The following RYR2 variants were observed in gnomAD, a reference collection of about 807,000 sequenced individuals.
RYR2 encodes the protein ryanodine receptor 2.
Under a neutral mutation model 601.1 loss-of-function variants are expected in RYR2, and 227 were observed. The observed-to-expected ratio is 0.38, with a 90% CI of 0.34 to 0.42. RYR2 has a LOEUF of 0.42. Among genes scored for constraint, RYR2 ranks in the 10% least tolerant of loss-of-function variants. RYR2 has a pLI of 1.00. For synonymous variants in RYR2, 2,223 were observed against 2,175.1 expected (o/e 1.02, Z -0.61); for missense variants, 4,646 against 6,156.5 (o/e 0.75, Z 8.21).
intron 3 of RYR2, among the ~76,000 whole-genome samples, chr1:237,344,211 G>A (rs73128913): frequency 4.6e-5 from 7 of 152,132 alleles, no homozygotes; most frequent in Non-Finnish European, 1.0e-4. Flanking sequence ...GCTAATGATC[G>A]GATTATTCTC....
chr1:237,713,454 TG>T (rs1160716274), intron 71 of RYR2, among the ~76,000 whole-genome samples: 1 of 152,204 alleles, frequency 6.6e-6, no homozygotes, highest in Non-Finnish European at 1.5e-5. Context: ...TGGAGTGCAG[TG>T]GTGCGATCTC....
intron 28 of RYR2, among the ~76,000 whole-genome samples, chr1:237,568,568 T>A (rs1672336182): frequency 6.6e-6 from 1 of 152,234 alleles, no homozygotes; most frequent in African/African-American, 2.4e-5. Context: ...CCTAAGGATA[T>A]TTTTAGGTTT....
intron 1 of RYR2, among the ~76,000 whole-genome samples, chr1:237,191,368 A>G (rs185656039): frequency 1.3e-5 from 2 of 149,452 alleles, no homozygotes; most frequent in South Asian, 2.1e-4. Context: ...CTCTTTTTCA[A>G]TATTTTTTGG....
At chr1:237,771,917 A>AT in intron 85 of RYR2, 95 bp from the exon 86 acceptor site, 1 of 699,878 alleles carries the variant, frequency 1.4e-6, no homozygotes. Context: ...ACCCACAATG[A>AT]TTTTGCCATA....
chr1:237,447,839 C>T (rs961755929), intron 14 of RYR2, among the ~76,000 whole-genome samples: 1 of 147,120 alleles, frequency 6.8e-6, no homozygotes, highest in African/African-American at 2.5e-5. Context: ...CTCCCTCCCT[C>T]TTTCCCCTCC....
intron 79 of RYR2, among the ~76,000 whole-genome samples, chr1:237,734,253 G>A (rs1295145311): frequency 2.0e-5 from 3 of 152,146 alleles, no homozygotes; most frequent in East Asian, 1.9e-4. Context: ...TAATCATGGC[G>A]GAAGGCAAAG....
intron 17 of RYR2, among the ~76,000 whole-genome samples, chr1:237,483,490 CA>C (rs144505445): frequency 0.021 from 3,267 of 152,264 alleles, 59 homozygotes; most frequent in Non-Finnish European, 0.034. Flanking sequence ...TGCAAGGACA[CA>C]AAACTAGGCA....
At chr1:237,168,016 C>T (rs1210406651) in intron 1 of RYR2, among the ~76,000 whole-genome samples, 2 of 152,154 alleles carry the variant, frequency 1.3e-5, no homozygotes, top group Non-Finnish European at 2.9e-5. Context: ...AACAACAATT[C>T]CTTCTTTTCC....
intron 35 of RYR2, among the ~76,000 whole-genome samples, chr1:237,607,227 C>T (rs1268508594): frequency 3.9e-5 from 6 of 152,178 alleles, no homozygotes; most frequent in South Asian, 2.1e-4. Flanking sequence ...ATATACACCA[C>T]GGAATACTAT....
At chr1:237,654,198 T>G (rs988686662) in intron 51 of RYR2, 76 bp from the exon 52 acceptor site, 1 of 1,536,156 alleles carries the variant, frequency 6.5e-7, no homozygotes, top group African/African-American at 1.4e-5. Context: ...CATTAGAGTG[T>G]GATATGAGGA....
intron 76 of RYR2, among the ~76,000 whole-genome samples, chr1:237,727,694 T>A (rs1026743486): frequency 6.6e-6 from 1 of 152,160 alleles, no homozygotes; most frequent in Non-Finnish European, 1.5e-5. Context: ...TATGTCATGA[T>A]AAATGTTAGT....
At chr1:237,812,268 A>C (rs1661334452) in intron 100 of RYR2, among the ~76,000 whole-genome samples, 1 of 152,092 alleles carries the variant, frequency 6.6e-6, no homozygotes, top group Admixed American at 6.5e-5. Flanking sequence ...TTCTGTCATT[A>C]ATTTTAGTGC....
At chr1:237,435,658 T>A (rs1707270404) in intron 12 of RYR2, among the ~76,000 whole-genome samples, 1 of 152,196 alleles carries the variant, frequency 6.6e-6, no homozygotes, top group Non-Finnish European at 1.5e-5. Flanking sequence ...AAGCCTTCTG[T>A]GATTAACATA....
At chr1:237,534,579 G>C (rs1030068457) in intron 25 of RYR2, among the ~76,000 whole-genome samples, 8 of 151,826 alleles carry the variant, frequency 5.3e-5, no homozygotes, top group Non-Finnish European at 8.8e-5. Context: ...AAGAATAACA[G>C]CAAAAATAAC....
intron 6 of RYR2, among the ~76,000 whole-genome samples, chr1:237,374,494 C>T (rs1233237721): frequency 6.6e-6 from 1 of 151,938 alleles, no homozygotes; most frequent in Non-Finnish European, 1.5e-5. Context: ...CATATCTCTA[C>T]AAAAAAGAAA....
chr1:237,287,859 G>A (rs1364073927), intron 2 of RYR2, among the ~76,000 whole-genome samples: 3 of 152,136 alleles, frequency 2.0e-5, no homozygotes, highest in Non-Finnish European at 4.4e-5. Flanking sequence ...GTGAACTAAT[G>A]TGATTTTTGT....
chr1:237,157,547 G>A (rs1039846611), intron 1 of RYR2, among the ~76,000 whole-genome samples: 14 of 152,030 alleles, frequency 9.2e-5, no homozygotes, highest in Non-Finnish European at 1.9e-4. Flanking sequence ...TGAAATATTC[G>A]TCAGCTGTAA....
At chr1:237,622,708 T>A (rs1679199056) in intron 38 of RYR2, among the ~76,000 whole-genome samples, 1 of 152,202 alleles carries the variant, frequency 6.6e-6, no homozygotes, top group African/African-American at 2.4e-5. Flanking sequence ...TTAAATGAAG[T>A]GATATGTCAG....
intron 2 of RYR2, among the ~76,000 whole-genome samples, chr1:237,275,616 A>G (rs76592404): frequency 0.011 from 1,644 of 152,304 alleles, 13 homozygotes; most frequent in Non-Finnish European, 0.017. Context: ...ACGTAGAAAC[A>G]TACCAATAAT....
Sources: allele counts gnomAD v4.1 joint callset (sites outside exome capture counted in the v4.1 genomes callset), GRCh38; gene constraint gnomAD v4.1.1; transcripts MANE v1.5; gene names NCBI Gene and HGNC (gene_info 2026-07-23, HGNC 2026-07-21).